Variants in SPRY2 observed in about 807,000 individuals in gnomAD.
SPRY2 encodes the protein sprouty RTK signaling antagonist 2.
SPRY2 carries 10 observed loss-of-function variants against 23.4 expected under a neutral mutation model. The observed-to-expected ratio is 0.43, with a 90% CI of 0.26 to 0.73. The LOEUF (loss-of-function observed/expected upper bound fraction) is 0.73, where lower values mean the gene tolerates loss of function less well. Among genes scored for constraint, SPRY2 ranks in the 30% least tolerant of loss-of-function variants. SPRY2 has a pLI of 0.22. For synonymous variants in SPRY2, 170 were observed against 156.9 expected, an observed-to-expected ratio of 1.08 and a Z score of -0.62; for missense variants, 344 against 396.9, an observed-to-expected ratio of 0.87 and a Z score of 1.13.
Position 80,337,356 on chromosome 13 carries a change from C to G in SPRY2, c.350G>C (p.Gly117Ala), listed in dbSNP as rs1287620323. Residue 117 changes from glycine to alanine, a missense_variant, in exon 2 of 2, where the codon GGG (glycine) becomes GCG (alanine). Coordinates refer to ENST00000377104, the MANE Select transcript of SPRY2 (RefSeq NM_005842.4). ...LSRSISTVSS[G>A]SRSSTRTSTS... ...ACTTGTCCTCGTACTGCTCCGCGACCCTGAGCTGACCGTGCTTATGGATCT... is the reference window on the plus strand; with the variant it reads ...ACTTGTCCTCGTACTGCTCCGCGACGCTGAGCTGACCGTGCTTATGGATCT... 2 of 1,614,148 alleles carry G rather than the reference C, an allele frequency of 1.2e-6. No individual in the cohort carries two copies. The highest frequency in any genetic ancestry group is 1.3e-5 in the African/African-American group (1 of 75,032).
rs1261969742 is a variant in SPRY2 at position 80,340,904 on chromosome 13, G to T, written c.-334C>A. 1 of 152,214 alleles carries T rather than the reference G, an allele frequency of 6.6e-6. No individual in the cohort carries two copies. Among genetic ancestry groups the T allele is most frequent in the Non-Finnish European group, 1.5e-5 (1 of 68,032 alleles). The allele number at this position is 152,214 out of a possible 1,614,324, so 9.4% of individuals were successfully genotyped here. ...CAAGAGGCCGAAGCGCCAACGGCAA[G>T]TCCCTTTTCCTGGCAGATGAGCGAA... On this transcript the variant is annotated 5_prime_UTR_variant, in exon 1 of 2. Coordinates refer to ENST00000377104, the MANE Select transcript of SPRY2 (RefSeq NM_005842.4).
In SPRY2 at chr13:80,337,886, G is replaced by A. The variant is rs1880346112; in HGVS notation, c.-51-130C>T. On this transcript the variant is annotated intron_variant, in intron 1 of 1. Coordinates refer to ENST00000377104, the MANE Select transcript of SPRY2 (RefSeq NM_005842.4). ...TTTGAAATGGAATGGCAGTAGGGAG[G>A]TATTAGCCATATGATCAACAACGCA... 1.3e-5 allele frequency: 9 copies of A among 686,464 alleles called. No individual in the cohort carries two copies. The Admixed American group carries it at 1.9e-4, about 14-fold the overall frequency. 42.5% of individuals were successfully genotyped at this position (686,464 alleles called of 1,614,324 possible).
chr13:80,337,594 C>G lies in SPRY2; in HGVS notation c.112G>C (p.Val38Leu), dbSNP rs771050581. 20 of 1,613,974 alleles carry G rather than the reference C, an allele frequency of 1.2e-5. No homozygotes were observed. The highest frequency in any genetic ancestry group is 1.6e-4 in the Middle Eastern group (1 of 6,084). Residue 38 changes from valine to leucine, a missense_variant, in exon 2 of 2, where the codon GTA (valine) becomes CTA (leucine). Val to Leu is a conservative substitution (Grantham distance 32, BLOSUM62 1). Coordinates refer to ENST00000377104, the MANE Select transcript of SPRY2 (RefSeq NM_005842.4). The stretch of plus-strand genomic sequence containing the variant: ...ATCTGATCCAGAGACAAGACATGTA[C>G]CTGCTGGGTGAGGGCGTCTCTGGGG... ...PDPRDALTQQ[V>L]HVLSLDQIRA... is the part of the protein sequence containing the mutation.
chr13:80,340,919 A>G lies in SPRY2; in HGVS notation c.-349T>C, dbSNP rs1168187881. 6.6e-6 allele frequency: 1 copy of G among 152,254 alleles called. No individual in the cohort carries two copies. The allele number at this position is 152,254 out of a possible 1,614,324, so 9.4% of individuals were successfully genotyped here. A position where few individuals can be genotyped will look rare whatever the true frequency, so the allele number is the denominator to read the frequency against. ...CCAACGGCAAGTCCCTTTTCCTGGC[A>G]GATGAGCGAATGGGAAAAGAAAACG... On this transcript the variant is annotated 5_prime_UTR_variant, in exon 1 of 2. Transcript: ENST00000377104.
rs1483935536 is a variant in SPRY2, at chr13:80,336,367, T to C, written c.*391A>G. 3 of 298,780 alleles carry C rather than the reference T, an allele frequency of 1.0e-5. No homozygotes were observed. Among genetic ancestry groups the C allele is most frequent in the Non-Finnish European group, 1.9e-5 (3 of 155,886 alleles). 18.5% of individuals were successfully genotyped at this position (298,780 alleles called of 1,614,324 possible). On this transcript the variant is annotated 3_prime_UTR_variant, in exon 2 of 2. Coordinates refer to ENST00000377104, the MANE Select transcript of SPRY2 (RefSeq NM_005842.4). The stretch of plus-strand genomic sequence containing the variant: ...TGCCATGTAGTATGGCACAACTTGT[T>C]TTTCACAGTTGCAAATATTATTGTA...
Position 80,336,496 on chromosome 13 carries a change from A to G in SPRY2, c.*262T>C. 1.9e-6 allele frequency: 1 copy of G among 539,154 alleles called. No homozygotes were observed. The highest frequency in any genetic ancestry group is 3.3e-5 in the East Asian group (1 of 30,652). The allele number at this position is 539,154 out of a possible 1,614,324, so 33.4% of individuals were successfully genotyped here. On this transcript the variant is annotated 3_prime_UTR_variant, in exon 2 of 2. Coordinates refer to ENST00000377104, the MANE Select transcript of SPRY2 (RefSeq NM_005842.4). The stretch of plus-strand genomic sequence containing the variant: ...CTATTCACAAACAAAAACTTTGCCT[A>G]GGAGTGTCTGTGTTGCTTTAGCTTA...
At chr13:80,339,460 C>G (rs1880425036) in intron 1 of SPRY2, 1 of 152,138 alleles carries the variant, frequency 6.6e-6, no homozygotes, top group Non-Finnish European at 1.5e-5. Flanking sequence ...TCCCACTGCT[C>G]ACTCCGGGCG....
In SPRY2 at chr13:80,336,782, AG is replaced by A; in HGVS notation, c.923del (p.Pro308LeufsTer47). 2 of 1,614,006 alleles carry A rather than the reference AG, an allele frequency of 1.2e-6. No homozygotes were observed. The highest frequency in any genetic ancestry group is 1.7e-6 in the Non-Finnish European group (2 of 1,179,980). On this transcript the variant is annotated frameshift_variant, in exon 2 of 2. Transcript: ENST00000377104. LOFTEE classifies it high-confidence loss of function. Reference protein sequence around the residue: ...TVCCKVPTVPPRNFEKPT With the variant: ...TVCCKVPTVPXRNFEKPT ...GCTATGTTGGTTTTTCAAAGTTCCT[AG>A]GGGGGACAGTGGGAACTTTGCAGCA...
chr13:80,339,389 G>T lies in SPRY2; in HGVS notation c.-52+1233C>A, dbSNP rs577185680. The T allele has an allele frequency of 2.0e-5, 3 of 151,588 alleles. No individual in the cohort carries two copies. The East Asian group carries it at 5.8e-4, about 29-fold the overall frequency. The allele number at this position is 151,588 out of a possible 1,614,324, so 9.4% of individuals were successfully genotyped here. A position where few individuals can be genotyped will look rare whatever the true frequency, so the allele number is the denominator to read the frequency against. ...CTTTTGGGTCGAGAGAAAAAAAAAAGATATCATATTTCTTAAAGTGAAAGA... is the reference window on the plus strand; with the variant it reads ...CTTTTGGGTCGAGAGAAAAAAAAAATATATCATATTTCTTAAAGTGAAAGA... On this transcript the variant is annotated intron_variant, in intron 1 of 1. Coordinates refer to ENST00000377104, the MANE Select transcript of SPRY2 (RefSeq NM_005842.4).
At position 80,336,495 on chromosome 13, in the gene SPRY2, T is replaced by A. The variant is rs924846056; in HGVS notation, c.*263A>T. ...ACTATTCACAAACAAAAACTTTGCCTAGGAGTGTCTGTGTTGCTTTAGCTT... is the reference window on the plus strand; with the variant it reads ...ACTATTCACAAACAAAAACTTTGCCAAGGAGTGTCTGTGTTGCTTTAGCTT... On this transcript the variant is annotated 3_prime_UTR_variant, in exon 2 of 2. Coordinates refer to ENST00000377104, the MANE Select transcript of SPRY2 (RefSeq NM_005842.4). The A allele has an allele frequency of 1.3e-5, 7 of 538,566 alleles. No homozygotes were observed. In the African/African-American group the frequency reaches 1.3e-4, roughly 10 times the overall value. The allele number at this position is 538,566 out of a possible 1,614,324, so 33.4% of individuals were successfully genotyped here.
rs1256431848 is a variant in SPRY2, at chr13:80,336,535, T to TCAC, written c.*220_*222dup. 3.3e-6 allele frequency: 2 copies of TCAC among 612,904 alleles called. No individual in the cohort carries two copies. Among genetic ancestry groups the TCAC allele is most frequent in the Non-Finnish European group, 5.7e-6 (2 of 349,930 alleles). The allele number at this position is 612,904 out of a possible 1,614,324, so 38.0% of individuals were successfully genotyped here. A position where few individuals can be genotyped will look rare whatever the true frequency, so the allele number is the denominator to read the frequency against. On this transcript the variant is annotated 3_prime_UTR_variant, in exon 2 of 2. Coordinates refer to ENST00000377104, the MANE Select transcript of SPRY2 (RefSeq NM_005842.4). ...TGCTTTAGCTTATGCAATACATGGG[T>TCAC]CACCAAGTTCTGTATCTCATACTTT...
chr13:80,337,158 T>C lies in SPRY2; in HGVS notation c.548A>G (p.Lys183Arg). The C allele has an allele frequency of 6.2e-7, 1 of 1,614,152 alleles. No individual in the cohort carries two copies. The highest frequency in any genetic ancestry group is 2.2e-5 in the East Asian group (1 of 44,878). Residue 183 changes from lysine (K) to arginine (R), a missense_variant, in exon 2 of 2, where the codon AAG becomes AGG. Lys to Arg is a conservative substitution (Grantham distance 26, BLOSUM62 2). Coordinates refer to ENST00000377104, the MANE Select transcript of SPRY2 (RefSeq NM_005842.4). ...LHAYRCEDCG[K>R]CKCKECTYPR... ...GTAGGTGCACTCCTTACATTTGCACTTGCCACAGTCCTCACACCTGTAGGC... is the reference window on the plus strand; with the variant it reads ...GTAGGTGCACTCCTTACATTTGCACCTGCCACAGTCCTCACACCTGTAGGC...
chr13:80,336,623 T>G lies in SPRY2; in HGVS notation c.*135A>C, dbSNP rs191799158. 164 of 958,840 alleles carry G rather than the reference T, an allele frequency of 1.7e-4. 2 individuals carry two copies. In the South Asian group the frequency reaches 2.2e-3, roughly 13 times the overall value. The allele number at this position is 958,840 out of a possible 1,614,324, so 59.4% of individuals were successfully genotyped here. A position where few individuals can be genotyped will look rare whatever the true frequency, so the allele number is the denominator to read the frequency against. On this transcript the variant is annotated 3_prime_UTR_variant, in exon 2 of 2. Coordinates refer to ENST00000377104, the MANE Select transcript of SPRY2 (RefSeq NM_005842.4). ...AAAACGGCACATGGACAAAAAGCATTTCACCGCAAACAGCAAAGACTATCC... is the reference window on the plus strand; with the variant it reads ...AAAACGGCACATGGACAAAAAGCATGTCACCGCAAACAGCAAAGACTATCC...
At position 80,340,966 on chromosome 13, in the gene SPRY2, C is replaced by A; in HGVS notation, c.-396G>T. ...AACGGCCTTACGGAGAACCTAAAGC[C>A]AGATCGCCAAGTGGTGCGGCCGGGG... On this transcript the variant is annotated 5_prime_UTR_variant, in exon 1 of 2. Transcript: ENST00000377104. The A allele has an allele frequency of 6.6e-6, 1 of 151,678 alleles. No individual in the cohort carries two copies. Among genetic ancestry groups the A allele is most frequent in the South Asian group, 1.8e-4 (1 of 5,526 alleles). 9.4% of individuals were successfully genotyped at this position (151,678 alleles called of 1,614,324 possible).
chr13:80,337,235 C>G lies in SPRY2; in HGVS notation c.471G>C (p.Glu157Asp). ...GTGGCTTAAGCTCACCTGGCTTGAGCTCAGATTTGGGTTGCACCCGGATTA... is the reference window on the plus strand; with the variant it reads ...GTGGCTTAAGCTCACCTGGCTTGAGGTCAGATTTGGGTTGCACCCGGATTA... ...DGIIRVQPKSELKPGELKPLS... is the reference protein window; with the variant it reads ...DGIIRVQPKSDLKPGELKPLS... The change falls in exon 2 of 2, where the codon GAG (glutamate) becomes GAC (aspartate). Residue 157 changes from glutamate (E) to aspartate (D), a missense_variant. Glu to Asp is a conservative substitution (Grantham distance 45). Transcript: ENST00000377104. The G allele has an allele frequency of 2.5e-6, 4 of 1,611,736 alleles. No homozygotes were observed. The highest frequency in any genetic ancestry group is 3.4e-6 in the Non-Finnish European group (4 of 1,177,890).
chr13:80,339,034 G>A (rs909421803), intron 1 of SPRY2: 1 of 152,462 alleles, frequency 6.6e-6, no homozygotes, highest in Non-Finnish European at 1.5e-5. Flanking sequence ...GGGGGCCGCG[G>A]GCGCCTCCGA....
chr13:80,340,021 G>A (rs1880449262), intron 1 of SPRY2, among the ~76,000 whole-genome samples: 1 of 152,030 alleles, frequency 6.6e-6, no homozygotes, highest in African/African-American at 2.4e-5. Context: ...CAGGCAGGGC[G>A]ACGCTCCCAC....
At chr13:80,339,002 C>G (rs970017442) in intron 1 of SPRY2, 1 of 152,500 alleles carries the variant, frequency 6.6e-6, no homozygotes, top group African/African-American at 2.4e-5. Flanking sequence ...CCCCTGCTTA[C>G]GATCCCCAGA....
chr13:80,337,190 G>T lies in SPRY2; in HGVS notation c.516C>A (p.Gly172=), dbSNP rs759998507. ...ELKPLSKEDL[G]LHAYRCEDCG... ...AGTCCTCACACCTGTAGGCGTGCAG[G>T]CCCAAATCTTCCTTGCTCAGTGGCT... The change falls in exon 2 of 2, where the codon GGC becomes GGA. Residue 172 remains glycine, a synonymous_variant. Coordinates refer to ENST00000377104, the MANE Select transcript of SPRY2 (RefSeq NM_005842.4). 1.1e-5 allele frequency: 17 copies of T among 1,612,340 alleles called. No homozygotes were observed. The highest frequency in any genetic ancestry group is 1.3e-5 in the Non-Finnish European group (15 of 1,178,480).
Sources: gnomAD v4.1 joint callset for allele counts (sites outside exome capture counted in the v4.1 genomes callset) on GRCh38, gnomAD v4.1.1 for gene constraint, MANE v1.5 for transcripts, NCBI Gene and HGNC (gene_info 2026-07-23, HGNC 2026-07-21) for gene names.